The following RB1 variants were observed in gnomAD, a reference collection of about 807,000 sequenced individuals.
RB1 encodes the protein retinoblastoma-associated protein.
RB1 carries 18 observed loss-of-function variants against 135.4 expected under a neutral mutation model. The ratio of observed to expected loss-of-function variants is 0.13; its 90% confidence interval spans 0.09 to 0.20. RB1 has a LOEUF of 0.20. RB1 is among the 10% of genes least tolerant of loss of function. The pLI is 1.00. For missense variants in RB1, 868 were observed against 1,110.0 expected, an observed-to-expected ratio of 0.78 and a Z score of 3.10; for synonymous variants, 365 against 373.2, an observed-to-expected ratio of 0.98 and a Z score of 0.25.
rs199873207 is a variant in RB1 at position 48,432,427 on chromosome 13, GT to G, written c.1696-20555del. Among the ~76,000 whole-genome samples, 205 of 136,598 alleles carry G rather than the reference GT, an allele frequency of 1.5e-3. 1 individual carries two copies. The highest frequency in any genetic ancestry group is 2.5e-3 in the Non-Finnish European group (153 of 61,670). The allele number at this position is 136,598 out of a possible 152,430, so 89.6% of individuals were successfully genotyped here. On this transcript the variant is annotated intron_variant, in intron 17 of 26. Coordinates refer to ENST00000267163, the MANE Select transcript of RB1 (RefSeq NM_000321.3). ...ATAGGAATGCATGTTTTGTTTTTTTGTTTTTTTTTTTGGGCTACTTGCCAGT... is the reference window on the plus strand; with the variant it reads ...ATAGGAATGCATGTTTTGTTTTTTTGTTTTTTTTTTGGGCTACTTGCCAGT...
At chr13:48,477,483 A>G (rs2138361281) in intron 26 of RB1, 79 bp downstream of exon 26, 1 of 1,186,956 alleles carries the variant, frequency 8.4e-7, no homozygotes, top group Non-Finnish European at 1.2e-6. Flanking sequence ...ATATAAAAGA[A>G]TGTATAATTT....
intron 2 of RB1, chr13:48,317,386 C>G (rs1009104486): frequency 2.6e-6 from 1 of 387,904 alleles, no homozygotes; most frequent in African/African-American, 2.1e-5. Context: ...GCGCAGCGCG[C>G]ACGGGTTCCG....
At position 48,376,908 on chromosome 13, in the gene RB1, C is replaced by T. The variant is rs1060504823; in HGVS notation, c.1216-10C>T. ...TCCTCGACATTGATTTCTGTTTTTA[C>T]CTCCTAAAGAACTGCACAGTGAATC... On this transcript the variant is annotated splice_polypyrimidine_tract_variant and intron_variant, in intron 12 of 26. Coordinates refer to ENST00000267163, the MANE Select transcript of RB1 (RefSeq NM_000321.3). 2 of 1,613,194 alleles carry T rather than the reference C, an allele frequency of 1.2e-6. No individual in the cohort carries two copies. Among genetic ancestry groups the T allele is most frequent in the Non-Finnish European group, 1.7e-6 (2 of 1,179,654 alleles).
chr13:48,406,934 T>C (rs936412325), intron 17 of RB1, among the ~76,000 whole-genome samples: 2 of 152,220 alleles, frequency 1.3e-5, no homozygotes, highest in Non-Finnish European at 2.9e-5. Context: ...ACCCTGGCGC[T>C]ACATTAATTT....
intron 2 of RB1, among the ~76,000 whole-genome samples, chr13:48,340,387 A>G (rs1389120184): frequency 6.6e-6 from 1 of 152,186 alleles, no homozygotes; most frequent in East Asian, 1.9e-4. Context: ...TGCTCATAGG[A>G]AAGTTCTTCA....
At chr13:48,383,393 A>G (rs1948551526) in intron 17 of RB1, among the ~76,000 whole-genome samples, 1 of 152,134 alleles carries the variant, frequency 6.6e-6, no homozygotes, top group South Asian at 2.1e-4. Context: ...ATACTTTGTG[A>G]ATCATCAGTT....
intron 25 of RB1, among the ~76,000 whole-genome samples, chr13:48,477,078 A>G (rs937309607): frequency 6.6e-6 from 1 of 152,216 alleles, no homozygotes; most frequent in African/African-American, 2.4e-5. Flanking sequence ...TTACAAAGCT[A>G]TTGATAAAAT....
intron 23 of RB1, among the ~76,000 whole-genome samples, 175 bp downstream of exon 23, chr13:48,465,543 GACTTAAGCAAC>G (rs1566237894): frequency 6.6e-6 from 1 of 152,180 alleles, no homozygotes; most frequent in Non-Finnish European, 1.5e-5. Flanking sequence ...ATCTATTTAC[GACTTAAGCAAC>G]GCAAGATGGC....
intron 2 of RB1, among the ~76,000 whole-genome samples, chr13:48,325,474 A>G (rs1952279472): frequency 6.6e-6 from 1 of 152,214 alleles, no homozygotes; most frequent in Non-Finnish European, 1.5e-5. Context: ...GTAATTTTGG[A>G]ATAGGCATTA....
chr13:48,392,356 C>G (rs1011394147), intron 17 of RB1, among the ~76,000 whole-genome samples: 3 of 152,168 alleles, frequency 2.0e-5, no homozygotes, highest in African/African-American at 7.2e-5. Flanking sequence ...GGTGACCCAC[C>G]CACCTTGGCT....
chr13:48,465,598 C>T (rs1488430223), intron 23 of RB1, among the ~76,000 whole-genome samples: 2 of 152,068 alleles, frequency 1.3e-5, no homozygotes, highest in African/African-American at 4.8e-5. Flanking sequence ...CAGCTCCCAG[C>T]GTGAGCGACG....
intron 2 of RB1, among the ~76,000 whole-genome samples, chr13:48,311,507 G>A (rs1024985290): frequency 6.6e-6 from 1 of 152,114 alleles, no homozygotes; most frequent in African/African-American, 2.4e-5. Context: ...TGTACAGCAT[G>A]TTACTGTACT....
At position 48,303,902 on chromosome 13, in the gene RB1, G is replaced by A. The variant is rs1376823332; in HGVS notation, c.-11G>A. On this transcript the variant is annotated 5_prime_UTR_variant, in exon 1 of 27. Coordinates refer to ENST00000267163, the MANE Select transcript of RB1 (RefSeq NM_000321.3). ...TCCACAGCTCGCTGGCTCCCGCCGC[G>A]GAAAGGCGTCATGCCGCCCAAAACC... The A allele has an allele frequency of 7.3e-6, 11 of 1,515,296 alleles. No homozygotes were observed. The highest frequency in any genetic ancestry group is 9.7e-6 in the Non-Finnish European group (11 of 1,138,938). The allele number at this position is 1,515,296 out of a possible 1,614,324, so 93.9% of individuals were successfully genotyped here.
chr13:48,399,217 T>A (rs1167575250), intron 17 of RB1, among the ~76,000 whole-genome samples: 1 of 151,886 alleles, frequency 6.6e-6, no homozygotes, highest in Admixed American at 6.6e-5. Flanking sequence ...GGACCTGAGG[T>A]TTTTGTTGTT....
rs112189207 is a variant in RB1 at position 48,380,314 on chromosome 13, G to A, written c.1498+73G>A. 4,392 of 1,122,316 alleles carry A rather than the reference G, an allele frequency of 3.9e-3. 63 individuals carry two copies. The highest frequency in any genetic ancestry group is 0.038 in the African/African-American group (2,478 of 64,668). The allele number at this position is 1,122,316 out of a possible 1,614,324, so 69.5% of individuals were successfully genotyped here. On this transcript the variant is annotated intron_variant, in intron 16 of 26. Transcript: ENST00000267163. Reference sequence around the variant, plus strand: ...AAATGTGGTGTGTTTCTTTGGTCGGGGGAGAGGGATAGTGTGAGGTTAAGG... The same window carrying A: ...AAATGTGGTGTGTTTCTTTGGTCGGAGGAGAGGGATAGTGTGAGGTTAAGG...
At chr13:48,313,616 C>T (rs1271254615) in intron 2 of RB1, among the ~76,000 whole-genome samples, 1 of 150,926 alleles carries the variant, frequency 6.6e-6, no homozygotes, top group African/African-American at 2.4e-5. Context: ...TGTCTCTGCA[C>T]CACTTATGGA....
chr13:48,475,637 G>T (rs1949499572), intron 24 of RB1, among the ~76,000 whole-genome samples: 1 of 152,156 alleles, frequency 6.6e-6, no homozygotes, highest in African/African-American at 2.4e-5. Context: ...ATATTATTTT[G>T]GTTAGAAGCA....
chr13:48,415,757 A>G (rs2138218540), intron 17 of RB1: 1 of 152,334 alleles, frequency 6.6e-6, no homozygotes, highest in Admixed American at 6.5e-5. Flanking sequence ...ATGAATCATA[A>G]ACTTGAATTT....
chr13:48,364,899 A>G lies in RB1; in HGVS notation c.867A>G (p.Lys289=). Residue 289 remains lysine, a synonymous_variant, in exon 9 of 27, where the codon AAA becomes AAG. Transcript: ENST00000267163. ...KEHECNIDEV[K]NVYFKNFIPF... ...TGTAACTTCATCTTTTTCAGGTGAA[A>G]AATGTTTATTTCAAAAATTTTATAC... The G allele has an allele frequency of 6.4e-7, 1 of 1,554,592 alleles. No individual in the cohort carries two copies. Among genetic ancestry groups the G allele is most frequent in the Non-Finnish European group, 8.7e-7 (1 of 1,146,590 alleles).
Sources: allele counts gnomAD v4.1 joint callset (sites outside exome capture counted in the v4.1 genomes callset), GRCh38; gene constraint gnomAD v4.1.1; transcripts MANE v1.5; gene names NCBI Gene and HGNC (gene_info 2026-07-23, HGNC 2026-07-21).